The following PAN3 variants were observed in gnomAD, a reference collection of about 807,000 sequenced individuals.
The protein encoded by PAN3 is PAN2-PAN3 deadenylation complex subunit PAN3.
In PAN3, 19 loss-of-function variants were observed where a neutral mutation model predicts 96.2. That is an observed-to-expected ratio of 0.20 (90% CI 0.14 to 0.29). PAN3 has a LOEUF of 0.29. Among genes scored for constraint, PAN3 ranks in the 10% least tolerant of loss-of-function variants. The probability of loss-of-function intolerance (pLI) is 1.00; values close to 1 mark genes in which losing one functional copy is unlikely to be tolerated. For missense variants in PAN3, 882 were observed against 1,108.1 expected, an observed-to-expected ratio of 0.80 and a Z score of 2.90; for synonymous variants, 433 against 406.6, an observed-to-expected ratio of 1.06 and a Z score of -0.78.
intron 5 of PAN3, among the ~76,000 whole-genome samples, chr13:28,208,962 T>C (rs1266189113): frequency 6.6e-6 from 1 of 152,178 alleles, no homozygotes. Context: ...TTCTGTGGGA[T>C]TGGTTCTAGC....
chr13:28,202,877 A>T (rs1026805656), intron 5 of PAN3, among the ~76,000 whole-genome samples: 13 of 152,302 alleles, frequency 8.5e-5, no homozygotes, highest in Non-Finnish European at 1.8e-4. Flanking sequence ...ATTACTTTTA[A>T]TGCAAAAACT....
chr13:28,224,248 G>C (rs140999523), intron 6 of PAN3, among the ~76,000 whole-genome samples: 34 of 152,250 alleles, frequency 2.2e-4, no homozygotes, highest in African/African-American at 7.9e-4. Context: ...TTTAATAGTA[G>C]ACATAGTTAA....
At position 28,197,301 on chromosome 13, in the gene PAN3, C is replaced by T. The variant is rs761114999; in HGVS notation, c.807C>T (p.Pro269=). 8.1e-6 allele frequency: 13 copies of T among 1,610,976 alleles called. No individual in the cohort carries two copies. The East Asian group carries it at 2.9e-4, about 36-fold the overall frequency. ...CLADRCKSGV[P]INMVWWNRVT... is the part of the protein sequence containing the mutation. ...CTGACAGGTGTAAATCAGGAGTACC[C>T]ATCAATATGGTTTGGTGGAACAGAG... Residue 269 remains proline, a synonymous_variant, in exon 5 of 19, where the codon CCC becomes CCT. Coordinates refer to ENST00000380958, the MANE Select transcript of PAN3 (RefSeq NM_175854.8).
intron 1 of PAN3, among the ~76,000 whole-genome samples, chr13:28,140,395 G>A (rs1869572634): frequency 6.6e-6 from 1 of 152,188 alleles, no homozygotes; most frequent in Admixed American, 6.5e-5. Flanking sequence ...TGGGAATTCT[G>A]GAGAACTAGA....
rs1885122380 is a variant in PAN3, at chr13:28,256,207, A to G, written c.1001-85A>G. On this transcript the variant is annotated intron_variant, in intron 6 of 18. Transcript: ENST00000380958. ...GATCCCAAAGATGATGTTTCTTCCA[A>G]ATGAATGTTTGCATTTTATTTTCCA... 3.6e-6 allele frequency: 5 copies of G among 1,377,196 alleles called. No homozygotes were observed. The South Asian group carries it at 7.0e-5, about 19-fold the overall frequency. The allele number at this position is 1,377,196 out of a possible 1,614,324, so 85.3% of individuals were successfully genotyped here.
At chr13:28,233,010 CT>C (rs899791047) in intron 6 of PAN3, among the ~76,000 whole-genome samples, 53 of 151,266 alleles carry the variant, frequency 3.5e-4, no homozygotes, top group African/African-American at 1.3e-3. Flanking sequence ...ATACTATTAT[CT>C]TTTTTTTTCT....
chr13:28,266,336 T>C (rs1220385002), intron 9 of PAN3, among the ~76,000 whole-genome samples: 1 of 152,196 alleles, frequency 6.6e-6, no homozygotes, highest in East Asian at 1.9e-4. Flanking sequence ...TGATGGTATT[T>C]GAAGCATTAA....
rs186074645 is a variant in PAN3 at position 28,256,346 on chromosome 13, A to G, written c.1055A>G (p.His352Arg). 8.7e-6 allele frequency: 14 copies of G among 1,613,596 alleles called. No individual in the cohort carries two copies. In the Admixed American group the frequency reaches 1.2e-4, roughly 13 times the overall value. The part of the protein sequence containing the change: ...SPLHSPKITP[H>R]TSPAPRRRSH... The stretch of plus-strand genomic sequence containing the variant: ...CTTCATTCCCCCAAGATTACTCCAC[A>G]TACTTCTCCTGCTCCCAGAAGAAGA... The change falls in exon 7 of 19, where the codon CAT (histidine) becomes CGT (arginine). Residue 352 changes from histidine (H) to arginine (R), a missense_variant. His to Arg is a conservative substitution (Grantham distance 29, BLOSUM62 0). This residue lies in a region of PAN3 where 364 missense variants were observed against 513.6 expected (regional missense o/e 0.71). Coordinates refer to ENST00000380958, the MANE Select transcript of PAN3 (RefSeq NM_175854.8).
At chr13:28,213,045 C>T (rs1164037288) in intron 5 of PAN3, among the ~76,000 whole-genome samples, 1 of 151,880 alleles carries the variant, frequency 6.6e-6, no homozygotes, top group Admixed American at 6.6e-5. Context: ...AAAACAAAAC[C>T]ATTTTTGAGG....
chr13:28,239,374 A>G (rs554341499), intron 6 of PAN3, among the ~76,000 whole-genome samples: 2 of 152,086 alleles, frequency 1.3e-5, no homozygotes, highest in African/African-American at 4.8e-5. Flanking sequence ...TTTGTTAGCT[A>G]TTTAACAATC....
chr13:28,144,131 A>G (rs1870241317), intron 1 of PAN3, among the ~76,000 whole-genome samples: 1 of 152,108 alleles, frequency 6.6e-6, no homozygotes, highest in African/African-American at 2.4e-5. Flanking sequence ...AAAAAAACAT[A>G]ATTCAGCCCT....
rs115936706 is a variant in PAN3, at chr13:28,293,581, T to G, written c.*1059T>G. The G allele has an allele frequency of 1.7e-3, 258 of 152,538 alleles. No homozygotes were observed. The highest frequency in any genetic ancestry group is 5.9e-3 in the African/African-American group (244 of 41,474). 9.4% of individuals were successfully genotyped at this position (152,538 alleles called of 1,614,324 possible). A position where few individuals can be genotyped will look rare whatever the true frequency, so the allele number is the denominator to read the frequency against. On this transcript the variant is annotated 3_prime_UTR_variant, in exon 19 of 19. Coordinates refer to ENST00000380958, the MANE Select transcript of PAN3 (RefSeq NM_175854.8). ...GTTTTACAGCCTGAATTTGGAGGGA[T>G]AACGATCTGCTGTGCCTTTGCAGTC...
At chr13:28,189,760 C>T (rs749701762) in intron 4 of PAN3, among the ~76,000 whole-genome samples, 24 of 152,040 alleles carry the variant, frequency 1.6e-4, no homozygotes, top group Non-Finnish European at 2.8e-4. Flanking sequence ...GTCTTGGGAG[C>T]GTCTTTAGAA....
intron 2 of PAN3, among the ~76,000 whole-genome samples, chr13:28,175,171 A>T (rs1044040021): frequency 6.6e-5 from 10 of 152,182 alleles, no homozygotes; most frequent in African/African-American, 2.4e-4. Flanking sequence ...AGTTTCTGTG[A>T]TGTACTACTG....
chr13:28,187,180 A>G (rs1343574930), intron 4 of PAN3, among the ~76,000 whole-genome samples: 1 of 151,056 alleles, frequency 6.6e-6, no homozygotes, highest in Non-Finnish European at 1.5e-5. Flanking sequence ...TACAAAAATG[A>G]GCTTGACTTG....
chr13:28,270,071 G>T (rs1886487812), intron 12 of PAN3, among the ~76,000 whole-genome samples: 1 of 152,102 alleles, frequency 6.6e-6, no homozygotes. Context: ...ACAAAGAAAA[G>T]AATATAAGGT....
intron 6 of PAN3, among the ~76,000 whole-genome samples, chr13:28,253,012 A>G (rs1256763136): frequency 6.6e-6 from 1 of 152,172 alleles, no homozygotes. Flanking sequence ...GAAACATGAA[A>G]TTTCTAATGA....
chr13:28,147,674 C>T (rs1870850586), intron 1 of PAN3, among the ~76,000 whole-genome samples: 3 of 152,162 alleles, frequency 2.0e-5, no homozygotes, highest in Admixed American at 2.0e-4. Context: ...GAATCACTAA[C>T]CTGGGAAAAG....
chr13:28,257,762 A>T (rs7992093), intron 7 of PAN3, among the ~76,000 whole-genome samples: 19,859 of 137,594 alleles, frequency 0.14, 1,765 homozygotes, highest in East Asian at 0.33. Context: ...ATAATTAATT[A>T]TATATTATAT....
Sources: gnomAD v4.1 joint callset for allele counts (sites outside exome capture counted in the v4.1 genomes callset) on GRCh38, gnomAD v4.1.1 for gene constraint, gnomAD v4.1.1 regional missense constraint, MANE v1.5 for transcripts, NCBI Gene and HGNC (gene_info 2026-07-23, HGNC 2026-07-21) for gene names.